SLC6A20: variants seen among roughly 807,000 people sequenced by gnomAD.
SLC6A20 encodes the protein solute carrier family 6 member 20.
SLC6A20 carries 73 observed loss-of-function variants against 64.3 expected under a neutral mutation model. That is an observed-to-expected ratio of 1.14 (90% CI 0.94 to 1.38). SLC6A20 has a LOEUF of 1.38. Ranked by LOEUF, SLC6A20 falls within the 40% of genes most tolerant of loss-of-function variation. The probability of loss-of-function intolerance (pLI) is 0.00; values close to 1 mark genes in which losing one functional copy is unlikely to be tolerated. For missense variants in SLC6A20, 725 were observed against 772.8 expected (o/e 0.94, Z 0.73); for synonymous variants, 347 against 329.6 (o/e 1.05, Z -0.57).
At chr3:45,781,582 G>A (rs149877903) in intron 2 of SLC6A20, among the ~76,000 whole-genome samples, 8 of 152,304 alleles carry the variant, frequency 5.3e-5, no homozygotes, top group Non-Finnish European at 7.3e-5. Context: ...CTGTCCGTGC[G>A]GGCCTCAGCT....
Position 45,758,560 on chromosome 3 carries a change from T to A in SLC6A20, c.*418A>T. The stretch of plus-strand genomic sequence containing the variant: ...TGACAAATAGGTCATCTTAGGCACT[T>A]CAAAACTCCTTAAATGGATCTAAAA... On this transcript the variant is annotated 3_prime_UTR_variant, in exon 11 of 11. Coordinates refer to ENST00000358525, the MANE Select transcript of SLC6A20 (RefSeq NM_020208.4). The A allele has an allele frequency of 8.8e-7, 1 of 1,135,258 alleles. No homozygotes were observed. The highest frequency in any genetic ancestry group is 1.1e-6 in the Non-Finnish European group (1 of 914,868). 70.3% of individuals were successfully genotyped at this position (1,135,258 alleles called of 1,614,324 possible).
intron 7 of SLC6A20, among the ~76,000 whole-genome samples, chr3:45,767,021 G>A (rs114474876): frequency 0.024 from 3,591 of 152,312 alleles, 69 homozygotes; most frequent in Non-Finnish European, 0.035. Flanking sequence ...AAGCCACCCA[G>A]CCTATATTTT....
At chr3:45,767,119 C>G (rs138756298) in intron 7 of SLC6A20, among the ~76,000 whole-genome samples, 2 of 152,290 alleles carry the variant, frequency 1.3e-5, no homozygotes, top group African/African-American at 4.8e-5. Context: ...AAATAGTTGG[C>G]TTTATGTGCT....
chr3:45,771,240 G>T lies in SLC6A20; in HGVS notation c.912C>A (p.Phe304Leu). Reference protein sequence around the residue: ...TFSIYGFKATFNYENCLKKVS... With the variant: ...TFSIYGFKATLNYENCLKKVS... ...ACTTCTTCAAGCAGTTTTCATAATT[G>T]AAGGTGGCCTTGAAGCCATAGATGG... Residue 304 changes from phenylalanine to leucine, a missense_variant, in exon 6 of 11, where the codon TTC becomes TTA. Coordinates refer to ENST00000358525, the MANE Select transcript of SLC6A20 (RefSeq NM_020208.4). The T allele has an allele frequency of 1.2e-6, 2 of 1,614,212 alleles. No individual in the cohort carries two copies. The highest frequency in any genetic ancestry group is 1.7e-6 in the Non-Finnish European group (2 of 1,180,044).
intron 1 of SLC6A20, among the ~76,000 whole-genome samples, chr3:45,789,722 T>C (rs765423710): frequency 1.8e-4 from 28 of 152,236 alleles, no homozygotes; most frequent in Non-Finnish European, 3.2e-4. Context: ...TATTTTATTA[T>C]TTGTATATTT....
At chr3:45,770,448 T>A in intron 6 of SLC6A20, 77 bp from the exon 7 acceptor site, 1 of 1,552,406 alleles carries the variant, frequency 6.4e-7, no homozygotes, top group Non-Finnish European at 8.7e-7. Flanking sequence ...CAGCCTCTTC[T>A]TTTCTGATTA....
At chr3:45,795,144 C>A (rs1700324329) in intron 1 of SLC6A20, among the ~76,000 whole-genome samples, 2 of 152,048 alleles carry the variant, frequency 1.3e-5, no homozygotes, top group South Asian at 2.1e-4. Context: ...CATACACACA[C>A]AAAAACACAC....
chr3:45,773,915 A>G (rs1699919390), intron 4 of SLC6A20, among the ~76,000 whole-genome samples: 1 of 152,216 alleles, frequency 6.6e-6, no homozygotes, highest in Non-Finnish European at 1.5e-5. Flanking sequence ...CAGAGCACTC[A>G]CTCGTGACCA....
Position 45,765,542 on chromosome 3 carries a change from A to T in SLC6A20, c.1298T>A (p.Ile433Asn), listed in dbSNP as rs1436314160. Residue 433 changes from isoleucine to asparagine, a missense_variant, in exon 8 of 11, where the codon ATC (isoleucine) becomes AAC (asparagine). Physicochemically the swap from Ile to Asn is moderately radical, Grantham distance 149. Transcript: ENST00000358525. This position sits in a 1 kb window ranked among gnomAD's most constrained non-coding sequence, Gnocchi z 4.2. ...IISSHLPKEA[I>N]SGLVCLVNCA... Reference sequence around the variant, plus strand: ...CACTGGCTGGCCCCGCTGACCTGAGATGGCCTCCTTGGGCAGGTGGCTGGA... The same window carrying T: ...CACTGGCTGGCCCCGCTGACCTGAGTTGGCCTCCTTGGGCAGGTGGCTGGA... 1 of 1,612,596 alleles carries T rather than the reference A, an allele frequency of 6.2e-7. No homozygotes were observed. The highest frequency in any genetic ancestry group is 8.5e-7 in the Non-Finnish European group (1 of 1,179,456).
intron 3 of SLC6A20, among the ~76,000 whole-genome samples, 181 bp downstream of exon 3, chr3:45,779,828 G>A (rs1212985265): frequency 6.6e-6 from 1 of 152,224 alleles, no homozygotes; most frequent in Non-Finnish European, 1.5e-5. Flanking sequence ...GTGGAGCCCG[G>A]GTTCAGAAGC....
intron 7 of SLC6A20, among the ~76,000 whole-genome samples, chr3:45,766,563 C>A (rs1023396518): frequency 2.6e-5 from 4 of 152,212 alleles, no homozygotes; most frequent in Non-Finnish European, 5.9e-5. Flanking sequence ...ACCATGTCCA[C>A]CTGAAATTTG....
At chr3:45,773,048 G>C (rs1419689608) in intron 4 of SLC6A20, among the ~76,000 whole-genome samples, 2 of 152,138 alleles carry the variant, frequency 1.3e-5, no homozygotes, top group Admixed American at 6.5e-5. Context: ...CATAGAATCT[G>C]TGCATAAGTC....
chr3:45,780,692 G>A lies in SLC6A20; in HGVS notation c.263-592C>T, dbSNP rs554531092. Among the ~76,000 whole-genome samples, 4 of 151,146 alleles carry A rather than the reference G, an allele frequency of 2.6e-5. No individual in the cohort carries two copies. The South Asian group carries it at 6.2e-4, about 24-fold the overall frequency. On this transcript the variant is annotated intron_variant, in intron 2 of 10. Transcript: ENST00000358525. ...AGGGTGCGGCCTGAGAGCACAGAGA[G>A]GGGTGGGAGGCAGCAGGGCTCTGGG...
At position 45,796,281 on chromosome 3, in the gene SLC6A20, G is replaced by A. The variant is rs759371575; in HGVS notation, c.121+18C>T. 5 of 1,589,518 alleles carry A rather than the reference G, an allele frequency of 3.1e-6. No individual in the cohort carries two copies. Among genetic ancestry groups the A allele is most frequent in the South Asian group, 1.1e-5 (1 of 88,316 alleles). The stretch of plus-strand genomic sequence containing the variant: ...GCGCACAGAGTTGGGCTGGGGCCGG[G>A]GCGCGGTGGGCACTCACCTCCGCCG... On this transcript the variant is annotated intron_variant, in intron 1 of 10. Coordinates refer to ENST00000358525, the MANE Select transcript of SLC6A20 (RefSeq NM_020208.4).
chr3:45,763,955 A>G (rs1699728453), intron 8 of SLC6A20, among the ~76,000 whole-genome samples: 1 of 152,216 alleles, frequency 6.6e-6, no homozygotes, highest in East Asian at 1.9e-4. Flanking sequence ...TGTTGGCTAC[A>G]AAGACCAGGC....
rs754922844 is a variant in SLC6A20 at position 45,772,574 on chromosome 3, G to A, written c.624C>T (p.Ile208=). Residue 208 remains isoleucine, a synonymous_variant, in exon 5 of 11, where the codon ATC becomes ATT. Transcript: ENST00000358525. ...FTASLPYCVL[I]IYLIRGLTLH... The stretch of plus-strand genomic sequence containing the variant: ...GCGTGAGGCCCCTGATGAGGTAGAT[G>A]ATGAGCACGCAATAGGGCAGTGACG... 1 of 1,613,902 alleles carries A rather than the reference G, an allele frequency of 6.2e-7. No individual in the cohort carries two copies. The highest frequency in any genetic ancestry group is 8.5e-7 in the Non-Finnish European group (1 of 1,179,972).
At position 45,758,805 on chromosome 3, in the gene SLC6A20, G is replaced by T; in HGVS notation, c.*173C>A. On this transcript the variant is annotated 3_prime_UTR_variant, in exon 11 of 11. Coordinates refer to ENST00000358525, the MANE Select transcript of SLC6A20 (RefSeq NM_020208.4). ...CAGGGAGGAACAGCCACCACGGGAG[G>T]GTGTGCGTTCTCCCAAGGGAGTTTT... 2 of 1,354,566 alleles carry T rather than the reference G, an allele frequency of 1.5e-6. No homozygotes were observed. The highest frequency in any genetic ancestry group is 2.9e-5 in the East Asian group (1 of 34,774). 83.9% of individuals were successfully genotyped at this position (1,354,566 alleles called of 1,614,324 possible). A position where few individuals can be genotyped will look rare whatever the true frequency, so the allele number is the denominator to read the frequency against.
intron 3 of SLC6A20, 139 bp downstream of exon 3, chr3:45,779,870 C>T (rs897438295): frequency 9.0e-6 from 8 of 884,136 alleles, no homozygotes; most frequent in East Asian, 2.7e-5. Flanking sequence ...ATGGCTTCCC[C>T]TCCACCTCAC....
chr3:45,773,849 G>C (rs1699918548), intron 4 of SLC6A20, among the ~76,000 whole-genome samples: 1 of 152,206 alleles, frequency 6.6e-6, no homozygotes, highest in African/African-American at 2.4e-5. Flanking sequence ...TGTAACTTGA[G>C]AAGAGTAATA....
Sources: allele counts gnomAD v4.1 joint callset (sites outside exome capture counted in the v4.1 genomes callset), GRCh38; gene constraint gnomAD v4.1.1; non-coding constraint Gnocchi (gnomAD v3.1); transcripts MANE v1.5; gene names NCBI Gene and HGNC (gene_info 2026-07-23, HGNC 2026-07-21).